Variants in EPHA3 observed in about 807,000 individuals in gnomAD.
EPHA3 encodes EPH receptor A3.
Under a neutral mutation model 107.1 loss-of-function variants are expected in EPHA3, and 42 were observed. That is an observed-to-expected ratio of 0.39 (90% CI 0.31 to 0.51). EPHA3 has a LOEUF of 0.51. EPHA3 is among the 20% of genes least tolerant of loss of function. The probability of loss-of-function intolerance (pLI) is 0.78; values close to 1 mark genes in which losing one functional copy is unlikely to be tolerated. For missense variants in EPHA3, 1,183 were observed against 1,211.2 expected (o/e 0.98, Z 0.35); for synonymous variants, 461 against 424.8 (o/e 1.09, Z -1.05).
rs560255903 is a variant in EPHA3 at position 89,345,532 on chromosome 3, T to C, written c.1306+3442T>C. 4.6e-5 allele frequency among the ~76,000 whole-genome samples: 7 copies of C among 151,260 alleles called. 1 individual carries two copies. Among genetic ancestry groups the C allele is most frequent in the Admixed American group, 1.3e-4 (2 of 15,090 alleles). On this transcript the variant is annotated intron_variant, in intron 5 of 16. Coordinates refer to ENST00000336596, the MANE Select transcript of EPHA3 (RefSeq NM_005233.6). ...CGTCCCACCCCCATCTCTCTTTCTA[T>C]GTAAATGTTACTTATTTCTGAACCA...
chr3:89,212,453 G>A (rs1704124169), intron 3 of EPHA3, among the ~76,000 whole-genome samples: 1 of 151,876 alleles, frequency 6.6e-6, no homozygotes, highest in Non-Finnish European at 1.5e-5. Flanking sequence ...TCACTTTCAA[G>A]CATTGACAAT....
At chr3:89,148,631 C>G (rs954392784) in intron 2 of EPHA3, among the ~76,000 whole-genome samples, 3 of 151,776 alleles carry the variant, frequency 2.0e-5, no homozygotes, top group African/African-American at 7.3e-5. Flanking sequence ...TTTTAAGGAG[C>G]CTGTATAACT....
chr3:89,154,846 T>TTA (rs1177979613), intron 2 of EPHA3, among the ~76,000 whole-genome samples: 1 of 149,058 alleles, frequency 6.7e-6, no homozygotes, highest in African/African-American at 2.4e-5. Flanking sequence ...CAACTTCCTT[T>TTA]AAGCCACATT....
At chr3:89,216,867 T>A (rs139224948) in intron 3 of EPHA3, among the ~76,000 whole-genome samples, 1 of 152,158 alleles carries the variant, frequency 6.6e-6, no homozygotes, top group Non-Finnish European at 1.5e-5. Flanking sequence ...CAGCTAATGT[T>A]TCATTTTCTT....
At chr3:89,130,936 C>T (rs1427099946) in intron 2 of EPHA3, among the ~76,000 whole-genome samples, 1 of 152,132 alleles carries the variant, frequency 6.6e-6, no homozygotes, top group East Asian at 1.9e-4. Flanking sequence ...GCGCCCGGTC[C>T]CTATCTCCAT....
chr3:89,357,106 C>CAAAAAAAAAAAAAAAAAAA (rs56717904), intron 5 of EPHA3, among the ~76,000 whole-genome samples: 1 of 15,998 alleles, frequency 6.3e-5, no homozygotes, highest in African/African-American at 2.1e-4. Context: ...GACCCTGTCT[C>CAAAAAAAAAAAAAAAAAAA]AAAAAAAAAA....
intron 3 of EPHA3, among the ~76,000 whole-genome samples, chr3:89,320,797 T>C (rs1406968714): frequency 1.3e-5 from 2 of 152,072 alleles, no homozygotes; most frequent in Non-Finnish European, 2.9e-5. Context: ...TTCAAAATGT[T>C]ACTATTCACC....
intron 3 of EPHA3, among the ~76,000 whole-genome samples, chr3:89,300,309 T>G (rs1054419401): frequency 7.9e-5 from 12 of 152,052 alleles, no homozygotes; most frequent in Non-Finnish European, 1.8e-4. Flanking sequence ...TCTTACAGCC[T>G]ATTTAGAATT....
chr3:89,399,738 T>TTTG (rs562459635), intron 7 of EPHA3: 2,143 of 1,177,948 alleles, frequency 1.8e-3, no homozygotes, highest in Admixed American at 2.8e-3. Flanking sequence ...TTTTTTTTTT[T>TTTG]AGCCATAAAT....
chr3:89,122,582 T>G (rs900060947), intron 1 of EPHA3, among the ~76,000 whole-genome samples: 1 of 152,210 alleles, frequency 6.6e-6, no homozygotes, highest in African/African-American at 2.4e-5. Flanking sequence ...CTTTTAGAAC[T>G]CTCTGCATGT....
intron 3 of EPHA3, among the ~76,000 whole-genome samples, chr3:89,332,042 A>C (rs1339525728): frequency 6.6e-6 from 1 of 152,142 alleles, no homozygotes; most frequent in Non-Finnish European, 1.5e-5. Context: ...CCTTAATAAC[A>C]TCTTCATAAA....
At chr3:89,326,212 C>T (rs965114375) in intron 3 of EPHA3, among the ~76,000 whole-genome samples, 5 of 151,962 alleles carry the variant, frequency 3.3e-5, no homozygotes, top group Admixed American at 3.3e-4. Context: ...CATGGATGCT[C>T]AAGTCCCTTG....
chr3:89,240,118 T>G (rs1456641009), intron 3 of EPHA3, among the ~76,000 whole-genome samples: 2 of 152,196 alleles, frequency 1.3e-5, no homozygotes, highest in Admixed American at 1.3e-4. Context: ...AGACTCTAGT[T>G]CTGGGACAAA....
At chr3:89,164,562 T>C (rs1022492320) in intron 2 of EPHA3, among the ~76,000 whole-genome samples, 1 of 152,226 alleles carries the variant, frequency 6.6e-6, no homozygotes. Context: ...CCAGACTTGC[T>C]GTAGGGTAAA....
rs1407339030 is a variant in EPHA3 at position 89,480,705 on chromosome 3, G to A, written c.*1203G>A. ...ACTTGCTGAGCTGTTTATAGAGAAT[G>A]ATGATAACAGAACTTTTCCTCTGTA... On this transcript the variant is annotated 3_prime_UTR_variant, in exon 17 of 17. Transcript: ENST00000336596. The A allele has an allele frequency of 4.3e-6, 1 of 232,364 alleles. No individual in the cohort carries two copies. Among genetic ancestry groups the A allele is most frequent in the Non-Finnish European group, 8.5e-6 (1 of 117,342 alleles). The allele number at this position is 232,364 out of a possible 1,614,324, so 14.4% of individuals were successfully genotyped here.
intron 5 of EPHA3, among the ~76,000 whole-genome samples, chr3:89,346,835 T>C (rs1245985633): frequency 7.0e-6 from 1 of 143,722 alleles, no homozygotes; most frequent in African/African-American, 2.6e-5. Flanking sequence ...TTTCTACATA[T>C]GGCTAGCCAG....
At chr3:89,290,798 T>A (rs2107328619) in intron 3 of EPHA3, among the ~76,000 whole-genome samples, 1 of 152,316 alleles carries the variant, frequency 6.6e-6, no homozygotes, top group African/African-American at 2.4e-5. Flanking sequence ...AGCTCTCTTT[T>A]GAGCACTCAA....
intron 1 of EPHA3, among the ~76,000 whole-genome samples, chr3:89,119,067 T>C (rs540165123): frequency 3.9e-5 from 6 of 152,162 alleles, no homozygotes; most frequent in Admixed American, 3.3e-4. Flanking sequence ...AACCCAGATT[T>C]ATTTTTAACT....
intron 3 of EPHA3, among the ~76,000 whole-genome samples, chr3:89,223,747 T>C (rs145248930): frequency 6.6e-6 from 1 of 152,278 alleles, no homozygotes; most frequent in Non-Finnish European, 1.5e-5. Flanking sequence ...CTTATATGTG[T>C]GAATAAATTT....
Sources: gnomAD v4.1 joint callset for allele counts (sites outside exome capture counted in the v4.1 genomes callset) on GRCh38, gnomAD v4.1.1 for gene constraint, MANE v1.5 for transcripts, NCBI Gene and HGNC (gene_info 2026-07-23, HGNC 2026-07-21) for gene names.